The following FECH variants were observed in gnomAD, a reference collection of about 807,000 sequenced individuals.
FECH encodes the protein ferrochelatase, also known as ferrochelatase, mitochondrial.
FECH carries 40 observed loss-of-function variants against 56.9 expected under a neutral mutation model. The ratio of observed to expected loss-of-function variants is 0.70; its 90% CI spans 0.55 to 0.92. The LOEUF is 0.92. Ranked by LOEUF, FECH falls within the 40% of genes least tolerant of loss-of-function variation. The probability of loss-of-function intolerance (pLI) is 0.00; values close to 1 mark genes in which losing one functional copy is unlikely to be tolerated. For missense variants in FECH, 431 were observed against 529.1 expected (o/e 0.81, Z 1.82); for synonymous variants, 175 against 198.6 (o/e 0.88, Z 1.00).
At chr18:57,553,046 G>A (rs910928254) in intron 9 of FECH, among the ~76,000 whole-genome samples, 1 of 152,114 alleles carries the variant, frequency 6.6e-6, no homozygotes, top group African/African-American at 2.4e-5. Flanking sequence ...GGTTGACAGA[G>A]CCAGATTTCA....
chr18:57,580,386 C>T (rs2051259842), intron 1 of FECH, among the ~76,000 whole-genome samples, 187 bp from the exon 2 acceptor site: 1 of 152,020 alleles, frequency 6.6e-6, no homozygotes, highest in African/African-American at 2.4e-5. Context: ...GGTGGAGGAT[C>T]GCTCCCCTAG....
chr18:57,559,146 G>C lies in FECH; in HGVS notation c.803C>G (p.Ser268Cys), dbSNP rs2050907331. 6.2e-7 allele frequency: 1 copy of C among 1,600,228 alleles called. No homozygotes were observed. The change falls in exon 7 of 11, where the codon TCT becomes TGT. Residue 268 changes from serine to cysteine, a missense_variant and splice_region_variant. Ser to Cys is a moderately radical substitution (Grantham distance 112). Coordinates refer to ENST00000262093, the MANE Select transcript of FECH (RefSeq NM_000140.5). ...ATCCCAGAAAATGTTCTTACTTACA[G>C]ACATGGGCAGTGAGTGAGCAGAAAA... ...ILFSAHSLPM[S>C]VVNRGDPYPQ...
At chr18:57,568,565 G>T (rs915281780) in intron 4 of FECH, among the ~76,000 whole-genome samples, 6 of 152,156 alleles carry the variant, frequency 3.9e-5, no homozygotes, top group African/African-American at 1.4e-4. Context: ...AGGATGCAGG[G>T]ATGAGAAGGA....
intron 1 of FECH, 116 bp downstream of exon 1, chr18:57,586,438 C>T: frequency 8.4e-7 from 1 of 1,185,148 alleles, no homozygotes; most frequent in Non-Finnish European, 1.2e-6. Flanking sequence ...CTCGCAGCAC[C>T]CCCAAGGCCG....
At chr18:57,586,268 A>C (rs974799321) in intron 1 of FECH, among the ~76,000 whole-genome samples, 4 of 152,184 alleles carry the variant, frequency 2.6e-5, no homozygotes, top group Non-Finnish European at 4.4e-5. Flanking sequence ...GGTGACAATA[A>C]CCAAGGCTCT....
chr18:57,570,449 G>T (rs530690757), intron 4 of FECH, among the ~76,000 whole-genome samples: 4 of 152,206 alleles, frequency 2.6e-5, no homozygotes, highest in Non-Finnish European at 5.9e-5. Context: ...GGAACCAGTG[G>T]ATTCTGAGAA....
Position 57,549,853 on chromosome 18 carries a change from C to G in FECH, c.*859G>C, listed in dbSNP as rs1444663000. 1 of 152,152 alleles carries G rather than the reference C, an allele frequency of 6.6e-6. No homozygotes were observed. Among genetic ancestry groups the G allele is most frequent in the African/African-American group, 2.4e-5 (1 of 41,430 alleles). 9.4% of individuals were successfully genotyped at this position (152,152 alleles called of 1,614,324 possible). A position where few individuals can be genotyped will look rare whatever the true frequency, so the allele number is the denominator to read the frequency against. On this transcript the variant is annotated 3_prime_UTR_variant, in exon 11 of 11. Coordinates refer to ENST00000262093, the MANE Select transcript of FECH (RefSeq NM_000140.5). ...TTAAAACAAATGTTCAGAAAGAAGG[C>G]ATTCAACTAAGATAGAGAAGATGCT...
At chr18:57,551,877 ATTCTTTT>A (rs2050803404) in intron 9 of FECH, among the ~76,000 whole-genome samples, 1 of 150,494 alleles carries the variant, frequency 6.6e-6, no homozygotes, top group Admixed American at 6.6e-5. Context: ...TTTAAAATAT[ATTCTTTT>A]TTCTTTTTTT....
At chr18:57,566,383 A>C (rs1194282888) in intron 5 of FECH, 64 bp downstream of exon 5, 2 of 1,610,098 alleles carry the variant, frequency 1.2e-6, no homozygotes, top group African/African-American at 2.7e-5. Context: ...TTCAGTACTT[A>C]GACTCCTTGG....
intron 1 of FECH, among the ~76,000 whole-genome samples, chr18:57,584,809 T>C (rs1251765115): frequency 6.7e-6 from 1 of 149,418 alleles, no homozygotes; most frequent in East Asian, 1.9e-4. Flanking sequence ...TATCCTAGAA[T>C]TGTTTTTCTA....
In FECH at chr18:57,550,752, C is replaced by A. The variant is rs1317171514; in HGVS notation, c.1232G>T (p.Cys411Phe). The A allele has an allele frequency of 2.5e-6, 4 of 1,614,160 alleles. No individual in the cohort carries two copies. Among genetic ancestry groups the A allele is most frequent in the Non-Finnish European group, 3.4e-6 (4 of 1,180,012 alleles). ...LSCPLCVNPV[C>F]RETKSFFTSQ... Reference sequence around the variant, plus strand: ...GGTGAAGAAGGATTTAGTCTCCCTGCAGACAGGATTGACACAGAGCGGACA... The same window carrying A: ...GGTGAAGAAGGATTTAGTCTCCCTGAAGACAGGATTGACACAGAGCGGACA... The change falls in exon 11 of 11, where the codon TGC (cysteine) becomes TTC (phenylalanine). Residue 411 changes from cysteine to phenylalanine, a missense_variant. Cys to Phe is a radical substitution (Grantham distance 205). Transcript: ENST00000262093.
intron 7 of FECH, among the ~76,000 whole-genome samples, chr18:57,557,401 C>A (rs914175104): frequency 6.6e-6 from 1 of 152,192 alleles, no homozygotes; most frequent in African/African-American, 2.4e-5. Flanking sequence ...CCCACAAGGA[C>A]GCTCCAGCAG....
At chr18:57,569,842 T>TA in intron 4 of FECH, among the ~76,000 whole-genome samples, 1 of 152,224 alleles carries the variant, frequency 6.6e-6, no homozygotes, top group East Asian at 1.9e-4. Context: ...AAAACCTTTT[T>TA]TTTTTTTTTG....
intron 5 of FECH, among the ~76,000 whole-genome samples, chr18:57,563,580 C>CAAAAAAAAAAAAAAAAAAAAAAAA (rs747565830): frequency 3.0e-5 from 1 of 33,620 alleles, no homozygotes; most frequent in East Asian, 1.2e-3. Flanking sequence ...AACTCCGTCC[C>CAAAAAAAAAAAAAAAAAAAAAAAA]AAAAAAAAAA....
Position 57,572,597 on chromosome 18 carries a change from G to C in FECH, c.314+649C>G, listed in dbSNP as rs1048069773. ...CATTTGTGTAACGAAGTGGGGGGGGGGGTGTGCATGTGTGTATGTATGTAT... is the reference window on the plus strand; with the variant it reads ...CATTTGTGTAACGAAGTGGGGGGGGCGGTGTGCATGTGTGTATGTATGTAT... On this transcript the variant is annotated intron_variant, in intron 3 of 10. Coordinates refer to ENST00000262093, the MANE Select transcript of FECH (RefSeq NM_000140.5). Among the ~76,000 whole-genome samples the C allele has an allele frequency of 6.2e-4, 88 of 141,062 alleles. 1 individual carries two copies. Among genetic ancestry groups the C allele is most frequent in the African/African-American group, 2.1e-3 (82 of 38,188 alleles). The allele number at this position is 141,062 out of a possible 152,430, so 92.5% of individuals were successfully genotyped here.
In FECH at chr18:57,561,055, G is replaced by A. The variant is rs150058540; in HGVS notation, c.706-1812C>T. On this transcript the variant is annotated intron_variant, in intron 6 of 10. Transcript: ENST00000262093. The stretch of plus-strand genomic sequence containing the variant: ...ACCAATATTTTCTGGTCTTTGCAGT[G>A]TTTGGAAACTAAAGATGCTCAGAAA... Among the ~76,000 whole-genome samples the A allele has an allele frequency of 2.6e-5, 4 of 152,204 alleles. No individual in the cohort carries two copies. In the East Asian group the frequency reaches 7.7e-4, roughly 29 times the overall value.
rs550949595 is a variant in FECH at position 57,571,368 on chromosome 18, C to T, written c.463+24G>A. ...TACTTCGAAAGAACTAATCTAGTTA[C>T]ATGTTAATGAAGAAACACCATACCT... On this transcript the variant is annotated intron_variant, in intron 4 of 10. Transcript: ENST00000262093. The T allele has an allele frequency of 1.8e-4, 293 of 1,611,040 alleles. No individual in the cohort carries two copies. The South Asian group carries it at 3.1e-3, about 17-fold the overall frequency.
rs373867253 is a variant in FECH, at chr18:57,554,430, C to A, written c.913-6G>T. The A allele has an allele frequency of 1.9e-6, 3 of 1,614,168 alleles. No homozygotes were observed. Among genetic ancestry groups the A allele is most frequent in the East Asian group, 2.2e-5 (1 of 44,874 alleles). ...AACCAGGGCATTGGACCAACCTATGCGAAAGATAGACGAATGCGTAAGTGG... is the reference window on the plus strand; with the variant it reads ...AACCAGGGCATTGGACCAACCTATGAGAAAGATAGACGAATGCGTAAGTGG... On this transcript the variant is annotated splice_polypyrimidine_tract_variant and splice_region_variant and intron_variant, in intron 8 of 10. Transcript: ENST00000262093.
At chr18:57,578,057 T>C (rs560077555) in intron 2 of FECH, among the ~76,000 whole-genome samples, 1 of 152,218 alleles carries the variant, frequency 6.6e-6, no homozygotes, top group African/African-American at 2.4e-5. Context: ...TTTCATTTAA[T>C]TTTAATAATA....
Sources: allele counts gnomAD v4.1 joint callset (sites outside exome capture counted in the v4.1 genomes callset), GRCh38; gene constraint gnomAD v4.1.1; transcripts MANE v1.5; gene names NCBI Gene and HGNC (gene_info 2026-07-23, HGNC 2026-07-21).